Variants in SIPA1 observed in about 807,000 individuals in gnomAD.
The protein encoded by SIPA1 is signal-induced proliferation-associated 1.
Under a neutral mutation model 88.1 loss-of-function variants are expected in SIPA1, and 51 were observed. The observed-to-expected ratio is 0.58, with a 90% CI of 0.46 to 0.73. The LOEUF (loss-of-function observed/expected upper bound fraction) is 0.73, where lower values mean the gene tolerates loss of function less well. SIPA1 is among the 30% of genes least tolerant of loss of function. SIPA1 has a pLI of 0.00. For missense variants in SIPA1, 1,348 were observed against 1,467.6 expected, an observed-to-expected ratio of 0.92 and a Z score of 1.33; for synonymous variants, 681 against 664.8, an observed-to-expected ratio of 1.02 and a Z score of -0.37.
At position 65,642,905 on chromosome 11, in the gene SIPA1, A is replaced by ATTTC. The variant is rs1856037750; in HGVS notation, c.984+269_984+270insCTTT. Among the ~76,000 whole-genome samples, 2 of 145,020 alleles carry ATTTC rather than the reference A, an allele frequency of 1.4e-5. No homozygotes were observed. Among genetic ancestry groups the ATTTC allele is most frequent in the African/African-American group, 5.6e-5 (2 of 35,728 alleles). On this transcript the variant is annotated intron_variant, in intron 4 of 15. Coordinates refer to ENST00000534313, the MANE Select transcript of SIPA1 (RefSeq NM_006747.4). This position sits in a 1 kb window ranked among gnomAD's most constrained non-coding sequence, Gnocchi z 6.5. ...CCATCTGAATCAGAGTTTGCACTTT[A>ATTTC]TTTATTTATTTATTTATTTATTTAT... is the stretch of plus-strand genomic sequence containing the variant.
Position 65,641,598 on chromosome 11 carries a change from A to G in SIPA1, c.677A>G (p.Lys226Arg). 6.2e-7 allele frequency: 1 copy of G among 1,602,372 alleles called. No individual in the cohort carries two copies. Among genetic ancestry groups the G allele is most frequent in the Non-Finnish European group, 8.5e-7 (1 of 1,174,404 alleles). The stretch of plus-strand genomic sequence containing the variant: ...TACTACCGCAAATACTTCTATGGCA[A>G]AGGTGAGGAAAGGCAGTTCCAGGGA... ...AGYYRKYFYG[K>R]EHQNFFGMDE... Residue 226 changes from lysine (K) to arginine (R), a missense_variant and splice_region_variant, in exon 2 of 16, where the codon AAA (lysine) becomes AGA (arginine). By Grantham distance (26) the Lys-to-Arg change is conservative. This residue lies in a region of SIPA1 where 641 missense variants were observed against 797.7 expected (regional missense o/e 0.80). Coordinates refer to ENST00000534313, the MANE Select transcript of SIPA1 (RefSeq NM_006747.4).
intron 1 of SIPA1, chr11:65,639,103 A>T (rs1032761743): frequency 6.6e-6 from 1 of 151,870 alleles, no homozygotes; most frequent in Non-Finnish European, 1.5e-5. Flanking sequence ...AAATAATTAA[A>T]CCCAATTTTT....
rs759708833 is a variant in SIPA1 at position 65,642,347 on chromosome 11, C to T, written c.777C>T (p.His259=). The change falls in exon 3 of 16, where the codon CAC becomes CAT. Residue 259 remains histidine, a synonymous_variant. Transcript: ENST00000534313. The surrounding 1 kb of genome is among the most constrained non-coding windows in gnomAD (Gnocchi z 6.5). Reference sequence around the variant, plus strand: ...AGGGCAGCGGAGGGGGCACCCTGCACAGCTACCGCGTCATCGTGCGGACCA... The same window carrying T: ...AGGGCAGCGGAGGGGGCACCCTGCATAGCTACCGCGTCATCGTGCGGACCA... The part of the protein sequence containing the change: ...EKEGSGGGTL[H]SYRVIVRTTQ... The T allele has an allele frequency of 1.9e-6, 3 of 1,567,196 alleles. No individual in the cohort carries two copies. The Admixed American group carries it at 5.9e-5, about 31-fold the overall frequency.
chr11:65,647,374 C>T lies in SIPA1; in HGVS notation c.2032-10C>T. Reference sequence around the variant, plus strand: ...GGCAGCCCCGCCCACTCGTCCCGCCCCGTCCGCAGCTGGTGAGCCGTGGCT... The same window carrying T: ...GGCAGCCCCGCCCACTCGTCCCGCCTCGTCCGCAGCTGGTGAGCCGTGGCT... On this transcript the variant is annotated splice_polypyrimidine_tract_variant and intron_variant, in intron 8 of 15. Transcript: ENST00000534313. 7.0e-7 allele frequency: 1 copy of T among 1,418,602 alleles called. No homozygotes were observed. Among genetic ancestry groups the T allele is most frequent in the Non-Finnish European group, 9.1e-7 (1 of 1,095,640 alleles). The allele number at this position is 1,418,602 out of a possible 1,614,324, so 87.9% of individuals were successfully genotyped here. A position where few individuals can be genotyped will look rare whatever the true frequency, so the allele number is the denominator to read the frequency against.
chr11:65,640,774 G>A (rs1170448688), intron 1 of SIPA1, 57 bp from the exon 2 acceptor site: 1 of 637,594 alleles, frequency 1.6e-6, no homozygotes, highest in Non-Finnish European at 2.5e-6. Flanking sequence ...ACCAGGCTGG[G>A]GGCCTGGGTT....
Position 65,640,955 on chromosome 11 carries a change from C to T in SIPA1, c.34C>T (p.Arg12Trp), listed in dbSNP as rs1005728212. 16 of 1,548,290 alleles carry T rather than the reference C, an allele frequency of 1.0e-5. No homozygotes were observed. Among genetic ancestry groups the T allele is most frequent in the Middle Eastern group, 1.8e-4 (1 of 5,420 alleles). The part of the protein sequence containing the change: ...PMWAGGVGSP[R>W]RGMAPASTDD... Reference sequence around the variant, plus strand: ...GTGGGCCGGCGGTGTGGGGAGCCCTCGGCGGGGCATGGCCCCTGCGTCCAC... The same window carrying T: ...GTGGGCCGGCGGTGTGGGGAGCCCTTGGCGGGGCATGGCCCCTGCGTCCAC... The change falls in exon 2 of 16, where the codon CGG becomes TGG. Residue 12 changes from arginine (R) to tryptophan (W), a missense_variant. Physicochemically the swap from Arg to Trp is moderately radical, Grantham distance 101 (BLOSUM62 -3). Coordinates refer to ENST00000534313, the MANE Select transcript of SIPA1 (RefSeq NM_006747.4).
chr11:65,642,772 GAGAC>G lies in SIPA1; in HGVS notation c.984+136_984+139del. ...TGACCCCAGAAGAGCTGGCTTTTCAGAGACAGGGCATCAGAGTTCATCTGGAGCC... is the reference window on the plus strand; with the variant it reads ...TGACCCCAGAAGAGCTGGCTTTTCAGAGGGCATCAGAGTTCATCTGGAGCC... On this transcript the variant is annotated intron_variant, in intron 4 of 15. Transcript: ENST00000534313. The surrounding 1 kb of genome is among the most constrained non-coding windows in gnomAD (Gnocchi z 6.5). 1 of 808,500 alleles carries G rather than the reference GAGAC, an allele frequency of 1.2e-6. No individual in the cohort carries two copies. The allele number at this position is 808,500 out of a possible 1,614,324, so 50.1% of individuals were successfully genotyped here.
At chr11:65,638,692 C>A (rs1855945101) in intron 1 of SIPA1, among the ~76,000 whole-genome samples, 1 of 152,188 alleles carries the variant, frequency 6.6e-6, no homozygotes, top group Non-Finnish European at 1.5e-5. Flanking sequence ...GCGGGGCCGG[C>A]CCTTTCCCCC....
chr11:65,647,098 C>T (rs772842470), intron 8 of SIPA1, 33 bp downstream of exon 8: 5 of 1,464,374 alleles, frequency 3.4e-6, no homozygotes, highest in East Asian at 5.1e-5. Flanking sequence ...GGCCCCTGCG[C>T]GCGGCGGGGC....
At chr11:65,645,261 T>G in intron 5 of SIPA1, 132 bp downstream of exon 5, 2 of 922,864 alleles carry the variant, frequency 2.2e-6, no homozygotes, top group Non-Finnish European at 3.3e-6. Context: ...GCTAAGGATC[T>G]GAGTCAGGGC....
intron 9 of SIPA1, among the ~76,000 whole-genome samples, chr11:65,648,276 C>G (rs1478271982): frequency 6.6e-6 from 1 of 152,018 alleles, no homozygotes; most frequent in Non-Finnish European, 1.5e-5. Flanking sequence ...GTATTGGCAC[C>G]CGCCCACCCA....
chr11:65,639,527 G>C (rs897032867), intron 1 of SIPA1, among the ~76,000 whole-genome samples: 3 of 152,206 alleles, frequency 2.0e-5, no homozygotes, highest in African/African-American at 7.2e-5. Context: ...TGGTTCTGGA[G>C]GCCCCAGACG....
chr11:65,644,966 A>C lies in SIPA1; in HGVS notation c.996A>C (p.Gln332His). The change falls in exon 5 of 16, where the codon CAA (glutamine) becomes CAC (histidine). Residue 332 changes from glutamine (Q) to histidine (H), a missense_variant. By Grantham distance (24) the Gln-to-His change is conservative. Transcript: ENST00000534313. ...TCTCCCACCCACAGCTGAGCTTCCA[A>C]CGCAAGGTGGGCATCCTGTACTGCC... is the stretch of plus-strand genomic sequence containing the variant. ...LTLDEQVLSFQRKVGILYCRA... is the reference protein window; with the variant it reads ...LTLDEQVLSFHRKVGILYCRA... 6.2e-7 allele frequency: 1 copy of C among 1,612,942 alleles called. No homozygotes were observed. Among genetic ancestry groups the C allele is most frequent in the Non-Finnish European group, 8.5e-7 (1 of 1,179,256 alleles).
Position 65,642,661 on chromosome 11 carries a change from C to G in SIPA1, c.984+22C>G. ...AGTGGTGAGTGGCGGGCCGCGGAGC[C>G]CCCAGCCATACAGCTGGCCCCAGTC... On this transcript the variant is annotated intron_variant, in intron 4 of 15. Coordinates refer to ENST00000534313, the MANE Select transcript of SIPA1 (RefSeq NM_006747.4). This position sits in a 1 kb window ranked among gnomAD's most constrained non-coding sequence, Gnocchi z 6.5. The G allele has an allele frequency of 2.7e-6, 4 of 1,507,762 alleles. No homozygotes were observed. Among genetic ancestry groups the G allele is most frequent in the Non-Finnish European group, 3.5e-6 (4 of 1,127,848 alleles). 93.4% of individuals were successfully genotyped at this position (1,507,762 alleles called of 1,614,324 possible). A position where few individuals can be genotyped will look rare whatever the true frequency, so the allele number is the denominator to read the frequency against.
chr11:65,649,565 C>T lies in SIPA1; in HGVS notation c.2530C>T (p.Leu844=), dbSNP rs1856214480. ...AGCCACCCCTGCTCTCCCCAGCTCT[C>T]TGTCGGATGAGGCCCCAGTCCTGCC... The part of the protein sequence containing the change: ...SQNSLSPRSS[L]SDEAPVLPNT... Residue 844 remains leucine (L), a synonymous_variant, in exon 11 of 16, where the codon CTG becomes TTG. Transcript: ENST00000534313. 6.2e-7 allele frequency: 1 copy of T among 1,614,142 alleles called. No individual in the cohort carries two copies. Among genetic ancestry groups the T allele is most frequent in the Non-Finnish European group, 8.5e-7 (1 of 1,180,030 alleles).
intron 12 of SIPA1, 34 bp from the exon 13 acceptor site, chr11:65,649,916 C>A: frequency 2.5e-6 from 4 of 1,613,340 alleles, no homozygotes; most frequent in Non-Finnish European, 3.4e-6. Context: ...TGCTCCTGGG[C>A]TTCCCTAGCT....
At chr11:65,650,341 G>C in intron 14 of SIPA1, 60 bp from the exon 15 acceptor site, 1 of 1,580,588 alleles carries the variant, frequency 6.3e-7, no homozygotes, top group Admixed American at 1.7e-5. Context: ...GGGGCTGGGA[G>C]TCAGCTGGTG....
Position 65,645,062 on chromosome 11 carries a change from C to A in SIPA1, c.1092C>A (p.Leu364=), listed in dbSNP as rs1174495317. The change falls in exon 5 of 16, where the codon CTC becomes CTA. Residue 364 remains leucine, a synonymous_variant. Coordinates refer to ENST00000534313, the MANE Select transcript of SIPA1 (RefSeq NM_006747.4). ...CGGGACCGGCCTTCATGCAGTTTCT[C>A]ACCTTGCTGGGCGATGTGGTGCGGC... ...QEAGPAFMQF[L]TLLGDVVRLK... 3 of 1,614,074 alleles carry A rather than the reference C, an allele frequency of 1.9e-6. No homozygotes were observed. The highest frequency in any genetic ancestry group is 2.5e-6 in the Non-Finnish European group (3 of 1,179,956).
intron 8 of SIPA1, 70 bp downstream of exon 8, chr11:65,647,135 C>T (rs1856140120): frequency 2.1e-6 from 3 of 1,425,636 alleles, no homozygotes; most frequent in East Asian, 5.3e-5. Context: ...CCCTCCCTCC[C>T]GCCGCCTTTG....
Sources: gnomAD v4.1 joint callset for allele counts (sites outside exome capture counted in the v4.1 genomes callset) on GRCh38, gnomAD v4.1.1 for gene constraint, gnomAD v4.1.1 regional missense constraint, Gnocchi (gnomAD v3.1) non-coding constraint, MANE v1.5 for transcripts, NCBI Gene and HGNC (gene_info 2026-07-23, HGNC 2026-07-21) for gene names.